METTL8: variants seen among roughly 807,000 people sequenced by gnomAD.
METTL8 encodes the protein methyltransferase 8, tRNA N3-cytidine, also known as tRNA N(3)-cytidine methyltransferase METTL8, mitochondrial.
Under a neutral mutation model 48.7 loss-of-function variants are expected in METTL8, and 32 were observed. That is an observed-to-expected ratio of 0.66 (90% CI 0.50 to 0.88). The LOEUF is 0.88. METTL8 is among the 40% of genes least tolerant of loss of function. The probability of loss-of-function intolerance (pLI) is 0.00; values close to 1 mark genes in which losing one functional copy is unlikely to be tolerated. For synonymous variants in METTL8, 136 were observed against 157.1 expected (o/e 0.87, Z 1.01); for missense variants, 464 against 474.4 (o/e 0.98, Z 0.20).
At chr2:171,372,535 T>C (rs1311937403) in intron 2 of METTL8, among the ~76,000 whole-genome samples, 20 of 151,902 alleles carry the variant, frequency 1.3e-4, no homozygotes, top group Non-Finnish European at 2.5e-4. Flanking sequence ...GCACAACGTG[T>C]AGGTTTGTTA....
chr2:171,355,565 G>A (rs890556219), intron 3 of METTL8, among the ~76,000 whole-genome samples: 27 of 152,234 alleles, frequency 1.8e-4, no homozygotes, highest in Admixed American at 3.9e-4. Context: ...TGCCCCCAGA[G>A]GTGGAGTCTA....
intron 2 of METTL8, among the ~76,000 whole-genome samples, chr2:171,363,090 T>G (rs957547482): frequency 3.9e-5 from 6 of 152,224 alleles, no homozygotes; most frequent in African/African-American, 1.4e-4. Flanking sequence ...TTAGTTTAAC[T>G]TGCTATTTCT....
chr2:171,398,317 C>T (rs2105584647), intron 1 of METTL8, among the ~76,000 whole-genome samples: 1 of 152,172 alleles, frequency 6.6e-6, no homozygotes, highest in East Asian at 1.9e-4. Flanking sequence ...GAACATTATC[C>T]AGCCTTAAAA....
chr2:171,326,019 C>T (rs1684915568), intron 8 of METTL8, 23 bp downstream of exon 8: 1 of 1,403,286 alleles, frequency 7.1e-7, no homozygotes, highest in Non-Finnish European at 9.8e-7. Context: ...TTAAAAATAA[C>T]CTCAAACTGA....
chr2:171,363,289 G>A (rs1685352038), intron 2 of METTL8, among the ~76,000 whole-genome samples: 1 of 151,572 alleles, frequency 6.6e-6, no homozygotes, highest in Non-Finnish European at 1.5e-5. Flanking sequence ...CTGTATTTAT[G>A]GGGACTTCCT....
At chr2:171,376,061 T>C (rs1686929611) in intron 2 of METTL8, among the ~76,000 whole-genome samples, 1 of 152,238 alleles carries the variant, frequency 6.6e-6, no homozygotes, top group Non-Finnish European at 1.5e-5. Context: ...TCTTTTGCTT[T>C]GTCAAATGAT....
chr2:171,329,359 C>CTT (rs979571270), intron 7 of METTL8, among the ~76,000 whole-genome samples: 2 of 152,172 alleles, frequency 1.3e-5, no homozygotes, highest in African/African-American at 4.8e-5. Context: ...TTCAAATAGT[C>CTT]TTTTTGTGGT....
intron 2 of METTL8, among the ~76,000 whole-genome samples, chr2:171,383,233 A>G (rs1687740629): frequency 6.6e-6 from 1 of 152,132 alleles, no homozygotes; most frequent in Non-Finnish European, 1.5e-5. Context: ...TGGGATATGA[A>G]CCCCATTGAG....
At chr2:171,422,884 A>G (rs986605402) in intron 1 of METTL8, among the ~76,000 whole-genome samples, 2 of 152,242 alleles carry the variant, frequency 1.3e-5, no homozygotes, top group Non-Finnish European at 2.9e-5. Flanking sequence ...TACAGAGTCA[A>G]CATGGTATCA....
At chr2:171,421,130 T>C (rs1691828427) in intron 1 of METTL8, among the ~76,000 whole-genome samples, 1 of 152,190 alleles carries the variant, frequency 6.6e-6, no homozygotes, top group African/African-American at 2.4e-5. Flanking sequence ...TATGATTATC[T>C]ACACAGAAAA....
Position 171,360,485 on chromosome 2 carries a change from C to T in METTL8, c.172G>A (p.Glu58Lys). ...TTTACTTTTTTTCTGGCTGCTGCTT[C>T]TTCTTCCTTAGACCACTGCATGTGA... ...WDHMQWSKEE[E>K]AAARKKVKEN... The change falls in exon 3 of 10, where the codon GAA (glutamate) becomes AAA (lysine). Residue 58 changes from glutamate (E) to lysine (K), a missense_variant. By Grantham distance (56) the Glu-to-Lys change is moderately conservative. Coordinates refer to ENST00000375258, the MANE Select transcript of METTL8 (RefSeq NM_001321154.2). The T allele has an allele frequency of 6.2e-7, 1 of 1,613,794 alleles. No homozygotes were observed. Among genetic ancestry groups the T allele is most frequent in the Non-Finnish European group, 8.5e-7 (1 of 1,179,948 alleles).
intron 1 of METTL8, among the ~76,000 whole-genome samples, chr2:171,431,914 G>T (rs1214618367): frequency 6.6e-6 from 1 of 152,232 alleles, no homozygotes; most frequent in Non-Finnish European, 1.5e-5. Flanking sequence ...CCCCTAGTCT[G>T]GACTCCAGAG....
intron 1 of METTL8, among the ~76,000 whole-genome samples, chr2:171,405,133 C>G (rs1449877468): frequency 1.3e-5 from 2 of 152,056 alleles, no homozygotes; most frequent in Non-Finnish European, 2.9e-5. Context: ...ATAATGAGTT[C>G]AATTTGCACA....
chr2:171,370,371 T>C (rs1045635791), intron 2 of METTL8, among the ~76,000 whole-genome samples: 8 of 152,214 alleles, frequency 5.3e-5, no homozygotes, highest in Admixed American at 5.2e-4. Flanking sequence ...CATTTATCAA[T>C]TATTAGCAAG....
In METTL8 at chr2:171,324,278, T is replaced by G; in HGVS notation, c.1118A>C (p.Lys373Thr). 6.4e-7 allele frequency: 1 copy of G among 1,551,630 alleles called. No homozygotes were observed. Among genetic ancestry groups the G allele is most frequent in the Non-Finnish European group, 8.7e-7 (1 of 1,146,984 alleles). ...VDRRLQVNRKKQVKMHRVWIQ... is the reference protein window; with the variant it reads ...VDRRLQVNRKTQVKMHRVWIQ... ...CCACACTCGGTGCATTTTCACTTGT[T>G]TTTTCCTATTAACTTGTAAGCGGCG... The change falls in exon 10 of 10, where the codon AAA becomes ACA. Residue 373 changes from lysine (K) to threonine (T), a missense_variant. Physicochemically the swap from Lys to Thr is moderately conservative, Grantham distance 78. Transcript: ENST00000375258.
rs754212490 is a variant in METTL8 at position 171,330,533 on chromosome 2, C to T, written c.860+26G>A. On this transcript the variant is annotated intron_variant, in intron 7 of 9. Transcript: ENST00000375258. ...TACTGATAAAGGAGCTTTACACATC[C>T]ACTTTGCCCTTTCGTCTTCATTTAC... 3.7e-6 allele frequency: 6 copies of T among 1,605,274 alleles called. No individual in the cohort carries two copies. In the South Asian group the frequency reaches 6.7e-5, roughly 18 times the overall value.
chr2:171,360,937 A>G (rs1300832998), intron 2 of METTL8, among the ~76,000 whole-genome samples: 1 of 152,230 alleles, frequency 6.6e-6, no homozygotes, highest in Non-Finnish European at 1.5e-5. Context: ...GCTGTCAAAG[A>G]GATGAAAGTT....
At chr2:171,377,913 AAAAACAAAAC>A (rs904562703) in intron 2 of METTL8, among the ~76,000 whole-genome samples, 2 of 152,220 alleles carry the variant, frequency 1.3e-5, no homozygotes. Context: ...TTATATGGAA[AAAAACAAAAC>A]AAAACAAAAC....
chr2:171,381,891 C>T (rs1687582667), intron 2 of METTL8, among the ~76,000 whole-genome samples: 1 of 151,448 alleles, frequency 6.6e-6, no homozygotes, highest in African/African-American at 2.4e-5. Flanking sequence ...AAGCGATTCT[C>T]CTACCTCAGC....
Sources: allele counts gnomAD v4.1 joint callset (sites outside exome capture counted in the v4.1 genomes callset), GRCh38; gene constraint gnomAD v4.1.1; transcripts MANE v1.5; gene names NCBI Gene and HGNC (gene_info 2026-07-23, HGNC 2026-07-21).